Variants in DNAH7 observed in about 807,000 individuals in gnomAD.
DNAH7 encodes axonemal beta dynein heavy chain 7.
In DNAH7, 397 loss-of-function variants were observed where a neutral mutation model predicts 444.6. The ratio of observed to expected loss-of-function variants is 0.89; its 90% CI spans 0.82 to 0.97. DNAH7 has a LOEUF of 0.97. Ranked by LOEUF, DNAH7 falls within the 50% of genes least tolerant of loss-of-function variation. DNAH7 has a pLI of 0.00. For synonymous variants in DNAH7, 1,636 were observed against 1,624.4 expected (o/e 1.01, Z -0.17); for missense variants, 4,902 against 4,800.8 (o/e 1.02, Z -0.62).
intron 46 of DNAH7, among the ~76,000 whole-genome samples, chr2:195,847,657 CA>C (rs1369070018): frequency 2.0e-5 from 3 of 149,658 alleles, no homozygotes; most frequent in Non-Finnish European, 4.5e-5. Flanking sequence ...AAAAAAAAAA[CA>C]AAAAAAACAA....
intron 17 of DNAH7, among the ~76,000 whole-genome samples, chr2:195,964,120 G>C (rs1308464044): frequency 2.6e-5 from 4 of 152,060 alleles, no homozygotes; most frequent in Non-Finnish European, 4.4e-5. Context: ...AAAAATTGTA[G>C]AACTGTGGGG....
chr2:196,010,304 C>G (rs964795967), intron 10 of DNAH7, among the ~76,000 whole-genome samples: 6 of 152,074 alleles, frequency 3.9e-5, no homozygotes, highest in African/African-American at 1.4e-4. Context: ...TGTGCGCCAC[C>G]ACACCCTGCT....
At chr2:195,914,628 A>G (rs1159383004) in intron 24 of DNAH7, among the ~76,000 whole-genome samples, 1 of 152,176 alleles carries the variant, frequency 6.6e-6, no homozygotes, top group East Asian at 1.9e-4. Flanking sequence ...ATTAAGCACT[A>G]TCCTCTATCT....
intron 57 of DNAH7, among the ~76,000 whole-genome samples, chr2:195,789,865 A>G (rs944668063): frequency 6.6e-6 from 1 of 152,288 alleles, no homozygotes; most frequent in Admixed American, 6.5e-5. Flanking sequence ...ATCCAAATAG[A>G]AAAAGAAGAA....
chr2:195,940,695 T>C (rs990495802), intron 19 of DNAH7, among the ~76,000 whole-genome samples: 1 of 151,170 alleles, frequency 6.6e-6, no homozygotes, highest in Admixed American at 6.6e-5. Flanking sequence ...ACCAACCCCA[T>C]CAAAAAGTGG....
intron 51 of DNAH7, among the ~76,000 whole-genome samples, chr2:195,811,419 T>C (rs1696962609): frequency 6.6e-6 from 1 of 152,226 alleles, no homozygotes; most frequent in Non-Finnish European, 1.5e-5. Context: ...GGTATGATCA[T>C]AACTCACTGT....
chr2:196,005,003 G>T (rs558433188), intron 10 of DNAH7, among the ~76,000 whole-genome samples: 52 of 149,668 alleles, frequency 3.5e-4, no homozygotes, highest in African/African-American at 1.3e-3. Flanking sequence ...GGGTGCAGTG[G>T]CTCACGCCTG....
intron 55 of DNAH7, among the ~76,000 whole-genome samples, chr2:195,797,685 C>T (rs184636689): frequency 6.6e-6 from 1 of 152,336 alleles, no homozygotes; most frequent in East Asian, 1.9e-4. Context: ...AACGCCCTTA[C>T]TAGGGGCCTC....
intron 63 of DNAH7, among the ~76,000 whole-genome samples, chr2:195,746,521 A>C (rs1465992267): frequency 6.6e-6 from 1 of 152,152 alleles, no homozygotes; most frequent in Admixed American, 6.5e-5. Flanking sequence ...AGAACTCTCC[A>C]CCCCAAATCA....
chr2:196,046,954 C>A (rs1697167876), intron 5 of DNAH7, among the ~76,000 whole-genome samples: 1 of 152,182 alleles, frequency 6.6e-6, no homozygotes, highest in South Asian at 2.1e-4. Flanking sequence ...TAAGACCAGG[C>A]CCTGCACACA....
At chr2:195,875,540 A>G in intron 38 of DNAH7, 135 bp downstream of exon 38, 1 of 790,344 alleles carries the variant, frequency 1.3e-6, no homozygotes, top group Non-Finnish European at 1.9e-6. Flanking sequence ...ACACTCTGTT[A>G]GGTCACAATA....
chr2:196,044,510 G>C (rs1696979929), intron 5 of DNAH7, among the ~76,000 whole-genome samples: 2 of 152,034 alleles, frequency 1.3e-5, no homozygotes, highest in South Asian at 4.2e-4. Context: ...TTTAGATGAT[G>C]AGTGCACCAA....
chr2:196,063,545 C>A (rs1002600303), intron 1 of DNAH7: 1 of 152,220 alleles, frequency 6.6e-6, no homozygotes, highest in Admixed American at 6.5e-5. Context: ...AAGATCCTCT[C>A]CATGGTCTTT....
intron 61 of DNAH7, among the ~76,000 whole-genome samples, chr2:195,768,737 T>C (rs933015011): frequency 1.3e-5 from 2 of 152,138 alleles, no homozygotes; most frequent in African/African-American, 2.4e-5. Context: ...TAAAATTGAG[T>C]CCTTCTATAA....
Position 195,957,257 on chromosome 2 carries a change from C to A in DNAH7, c.3078+4G>T. On this transcript the variant is annotated splice_donor_region_variant and intron_variant, in intron 19 of 64. Transcript: ENST00000312428. ...ATGACATTTTTGGAGATTTTTTCAC[C>A]TACCTGCATGACACTTCTCATTATA... 3 of 1,486,360 alleles carry A rather than the reference C, an allele frequency of 2.0e-6. No individual in the cohort carries two copies. The highest frequency in any genetic ancestry group is 2.7e-6 in the Non-Finnish European group (3 of 1,106,598). The allele number at this position is 1,486,360 out of a possible 1,614,324, so 92.1% of individuals were successfully genotyped here. A position where few individuals can be genotyped will look rare whatever the true frequency, so the allele number is the denominator to read the frequency against.
At position 196,012,888 on chromosome 2, in the gene DNAH7, A is replaced by G. The variant is rs761937841; in HGVS notation, c.888T>C (p.Asp296=). ...CCTGGCAATTATGAAATTCTTTGAT[A>G]TCAACTAAACGTAATTTTCTGCAAA... is the stretch of plus-strand genomic sequence containing the variant. ...HTNFKKLRLV[D]IKEFHNCQDA... Residue 296 remains aspartate, a synonymous_variant, in exon 10 of 65, where the codon GAT becomes GAC. Transcript: ENST00000312428. 6 of 1,523,838 alleles carry G rather than the reference A, an allele frequency of 3.9e-6. 1 individual carries two copies. The highest frequency in any genetic ancestry group is 2.2e-5 in the Admixed American group (1 of 46,308). The allele number at this position is 1,523,838 out of a possible 1,614,324, so 94.4% of individuals were successfully genotyped here.
intron 15 of DNAH7, among the ~76,000 whole-genome samples, chr2:195,978,145 A>G (rs1692326330): frequency 6.6e-6 from 1 of 151,990 alleles, no homozygotes; most frequent in Admixed American, 6.6e-5. Context: ...TATATATGTT[A>G]AGTAGAAAGG....
In DNAH7 at chr2:195,970,032, A is replaced by G. The variant is rs572561986; in HGVS notation, c.2121T>C (p.Tyr707=). 6 of 1,613,110 alleles carry G rather than the reference A, an allele frequency of 3.7e-6. No homozygotes were observed. The African/African-American group carries it at 8.0e-5, about 22-fold the overall frequency. ...ESYAKQSEEF[Y]SFGDLQDVQR... is the part of the protein sequence containing the mutation. Reference sequence around the variant, plus strand: ...GAACATCCTGAAGATCTCCAAATGAATAAAATTCTTCTGATTGCTTAGCAT... The same window carrying G: ...GAACATCCTGAAGATCTCCAAATGAGTAAAATTCTTCTGATTGCTTAGCAT... The change falls in exon 17 of 65, where the codon TAT becomes TAC. Residue 707 remains tyrosine, a synonymous_variant. Transcript: ENST00000312428.
chr2:195,881,610 G>A (rs115216183), intron 36 of DNAH7, among the ~76,000 whole-genome samples, 185 bp downstream of exon 36: 2,574 of 151,764 alleles, frequency 0.017, 66 homozygotes, highest in African/African-American at 0.058. Context: ...AAAATAAATA[G>A]GCAATTATCA....
Sources: allele counts gnomAD v4.1 joint callset (sites outside exome capture counted in the v4.1 genomes callset), GRCh38; gene constraint gnomAD v4.1.1; transcripts MANE v1.5; gene names NCBI Gene and HGNC (gene_info 2026-07-23, HGNC 2026-07-21).